The following ATRNL1 variants were observed in gnomAD, a reference collection of about 807,000 sequenced individuals.
The protein encoded by ATRNL1 is attractin-like protein 1.
Under a neutral mutation model 182.7 loss-of-function variants are expected in ATRNL1, and 95 were observed. That is an observed-to-expected ratio of 0.52 (90% CI 0.44 to 0.62). The LOEUF is 0.62. ATRNL1 is among the 20% of genes least tolerant of loss of function. The probability of loss-of-function intolerance (pLI) is 0.00; values close to 1 mark genes in which losing one functional copy is unlikely to be tolerated. For synonymous variants in ATRNL1, 576 were observed against 568.3 expected (o/e 1.01, Z -0.19); for missense variants, 1,471 against 1,679.5 (o/e 0.88, Z 2.17).
intron 8 of ATRNL1, among the ~76,000 whole-genome samples, chr10:115,177,917 T>C (rs868991043): frequency 8.4e-6 from 1 of 118,760 alleles, no homozygotes; most frequent in East Asian, 2.1e-4. Flanking sequence ...TTTTTGTTTT[T>C]TTTTTTGTTT....
chr10:115,128,516 T>C, intron 4 of ATRNL1: 1 of 555,540 alleles, frequency 1.8e-6, no homozygotes, highest in Non-Finnish European at 2.3e-6. Context: ...CAAGTATGTA[T>C]GCAAGGGAGA....
chr10:115,310,211 A>G (rs1853945358), intron 17 of ATRNL1, among the ~76,000 whole-genome samples: 2 of 152,028 alleles, frequency 1.3e-5, no homozygotes, highest in Non-Finnish European at 2.9e-5. Context: ...GATCATGATG[A>G]ATTATCTTTT....
intron 5 of ATRNL1, among the ~76,000 whole-genome samples, chr10:115,135,963 ATCC>A (rs1845492560): frequency 6.6e-6 from 1 of 151,484 alleles, no homozygotes; most frequent in Non-Finnish European, 1.5e-5. Context: ...TGCTGAAATG[ATCC>A]TCCCAACTCA....
chr10:115,521,170 TG>T (rs1554985081), intron 25 of ATRNL1, among the ~76,000 whole-genome samples: 22 of 144,960 alleles, frequency 1.5e-4, no homozygotes, highest in African/African-American at 5.6e-4. Flanking sequence ...TTGTTGTTGT[TG>T]TTGAGACAGG....
chr10:115,225,592 T>C (rs1450658372), intron 9 of ATRNL1, among the ~76,000 whole-genome samples: 1 of 150,414 alleles, frequency 6.6e-6, no homozygotes, highest in Admixed American at 6.6e-5. Flanking sequence ...AGTTTAAAAC[T>C]GATAATTTAA....
intron 26 of ATRNL1, among the ~76,000 whole-genome samples, chr10:115,707,079 G>A (rs1946922342): frequency 6.6e-6 from 1 of 151,608 alleles, no homozygotes; most frequent in Non-Finnish European, 1.5e-5. Context: ...ATTCAACTCA[G>A]GCAGGTACTA....
At chr10:115,766,616 A>G (rs1416621596) in intron 27 of ATRNL1, among the ~76,000 whole-genome samples, 3 of 152,222 alleles carry the variant, frequency 2.0e-5, no homozygotes, top group Non-Finnish European at 4.4e-5. Flanking sequence ...AATCCCCAGC[A>G]CTGTACATTG....
chr10:115,712,953 G>T (rs578008264), intron 26 of ATRNL1, among the ~76,000 whole-genome samples: 1 of 151,910 alleles, frequency 6.6e-6, no homozygotes, highest in South Asian at 2.1e-4. Context: ...TCTCCTCCAA[G>T]ACAGTATTTT....
rs1312355576 is a variant in ATRNL1 at position 115,485,217 on chromosome 10, C to T, written c.3654+15888C>T. ...AAAATATATATAACATTTAAACTAC[C>T]TGGTCTTTGAAACCATAGTAGAATT... On this transcript the variant is annotated intron_variant, in intron 24 of 28. Coordinates refer to ENST00000355044, the MANE Select transcript of ATRNL1 (RefSeq NM_207303.4). Among the ~76,000 whole-genome samples, 12 of 151,776 alleles carry T rather than the reference C, an allele frequency of 7.9e-5. No individual in the cohort carries two copies. In the East Asian group the frequency reaches 2.3e-3, roughly 29 times the overall value.
intron 26 of ATRNL1, among the ~76,000 whole-genome samples, chr10:115,576,708 T>TA (rs1445263005): frequency 6.6e-6 from 1 of 152,044 alleles, no homozygotes; most frequent in Non-Finnish European, 1.5e-5. Context: ...GTTGATTGTT[T>TA]ATTTTGCTAT....
At chr10:115,549,598 G>T in intron 26 of ATRNL1, 62 bp downstream of exon 26, 6 of 1,134,780 alleles carry the variant, frequency 5.3e-6, no homozygotes, top group Non-Finnish European at 6.3e-6. Flanking sequence ...GATCTCTATT[G>T]TCTGTTAATT....
chr10:115,888,497 T>G (rs1952005794), intron 28 of ATRNL1, among the ~76,000 whole-genome samples: 1 of 152,154 alleles, frequency 6.6e-6, no homozygotes, highest in African/African-American at 2.4e-5. Flanking sequence ...TGGAATGCCC[T>G]TCTCCTCCAC....
chr10:115,462,080 A>AT (rs781913813), intron 22 of ATRNL1, 45 bp downstream of exon 22: 904 of 1,395,032 alleles, frequency 6.5e-4, no homozygotes, highest in Admixed American at 7.5e-4. Context: ...ATTGGACACA[A>AT]TTTTTTTTTC....
intron 26 of ATRNL1, among the ~76,000 whole-genome samples, chr10:115,597,118 C>T (rs1856294033): frequency 6.6e-6 from 1 of 152,094 alleles, no homozygotes; most frequent in African/African-American, 2.4e-5. Context: ...ATTATATTTA[C>T]TCCAAAGGAT....
intron 27 of ATRNL1, among the ~76,000 whole-genome samples, chr10:115,729,314 T>C (rs1490755420): frequency 6.6e-6 from 1 of 150,952 alleles, no homozygotes; most frequent in Non-Finnish European, 1.5e-5. Flanking sequence ...TACTTTCTTT[T>C]AGTCCATATT....
chr10:115,817,693 G>A (rs567268354), intron 27 of ATRNL1, among the ~76,000 whole-genome samples: 1 of 151,038 alleles, frequency 6.6e-6, no homozygotes, highest in Non-Finnish European at 1.5e-5. Flanking sequence ...ATACAAGAAG[G>A]AAAAGAAACT....
chr10:115,561,142 T>A (rs1592853534), intron 26 of ATRNL1, among the ~76,000 whole-genome samples: 1 of 152,052 alleles, frequency 6.6e-6, no homozygotes, highest in East Asian at 1.9e-4. Flanking sequence ...GAAAAAAAAA[T>A]TGGAATTCAT....
chr10:115,315,514 G>A lies in ATRNL1; in HGVS notation c.2819-4G>A, dbSNP rs367751810. On this transcript the variant is annotated splice_region_variant and splice_polypyrimidine_tract_variant and intron_variant, in intron 17 of 28. Coordinates refer to ENST00000355044, the MANE Select transcript of ATRNL1 (RefSeq NM_207303.4). ...ACATATTTGTCAATGTTCCTGTCAC[G>A]CAGCTCAAAATTGTTCTGGATTGAG... 84 of 1,596,666 alleles carry A rather than the reference G, an allele frequency of 5.3e-5. No individual in the cohort carries two copies. The highest frequency in any genetic ancestry group is 1.7e-4 in the Middle Eastern group (1 of 5,960).
At chr10:115,355,332 T>C (rs538086443) in intron 19 of ATRNL1, among the ~76,000 whole-genome samples, 2 of 152,306 alleles carry the variant, frequency 1.3e-5, no homozygotes, top group African/African-American at 4.8e-5. Context: ...TACTTATTTC[T>C]GTGGTCCTTG....
Sources: gnomAD v4.1 joint callset for allele counts (sites outside exome capture counted in the v4.1 genomes callset) on GRCh38, gnomAD v4.1.1 for gene constraint, MANE v1.5 for transcripts, NCBI Gene and HGNC (gene_info 2026-07-23, HGNC 2026-07-21) for gene names.